TRPM8: variants seen among roughly 807,000 people sequenced by gnomAD.
TRPM8 encodes the protein TRPM8 cationic channel.
A neutral mutation model predicts 133.7 loss-of-function variants in TRPM8; 110 were observed. The observed-to-expected ratio is 0.82, with a 90% confidence interval of 0.70 to 0.96. TRPM8 has a LOEUF of 0.96. Among genes scored for constraint, TRPM8 ranks in the 40% least tolerant of loss-of-function variants. TRPM8 has a pLI of 0.00. For missense variants in TRPM8, 1,291 were observed against 1,379.5 expected, an observed-to-expected ratio of 0.94 and a Z score of 1.02; for synonymous variants, 535 against 532.3, an observed-to-expected ratio of 1.01 and a Z score of -0.07.
intron 6 of TRPM8, among the ~76,000 whole-genome samples, chr2:233,945,257 T>C (rs1691013274): frequency 6.6e-6 from 1 of 152,194 alleles, no homozygotes; most frequent in Admixed American, 6.5e-5. Flanking sequence ...AAGGATTCCT[T>C]TCTTTATGTT....
intron 24 of TRPM8, among the ~76,000 whole-genome samples, chr2:234,010,854 C>T (rs1292560456): frequency 6.6e-6 from 1 of 152,028 alleles, no homozygotes; most frequent in African/African-American, 2.4e-5. Context: ...GTATGAGTTC[C>T]CTATGTATTG....
At chr2:233,923,438 G>A (rs1467370251) in intron 1 of TRPM8, among the ~76,000 whole-genome samples, 1 of 152,200 alleles carries the variant, frequency 6.6e-6, no homozygotes, top group African/African-American at 2.4e-5. Flanking sequence ...TGGTGCAGCT[G>A]TACCAAGGTT....
chr2:233,982,602 T>TA (rs971032696), intron 19 of TRPM8, among the ~76,000 whole-genome samples: 6 of 151,590 alleles, frequency 4.0e-5, no homozygotes, highest in Admixed American at 6.6e-5. Context: ...TGCACAAAAT[T>TA]AAAAAAAAAT....
chr2:233,924,041 T>C (rs1363114345), intron 1 of TRPM8, among the ~76,000 whole-genome samples: 2 of 152,172 alleles, frequency 1.3e-5, no homozygotes, highest in Admixed American at 6.5e-5. Flanking sequence ...TTTACAGTGT[T>C]GGGGGGAAAG....
At chr2:233,946,158 A>G (rs1691039061) in intron 7 of TRPM8, 128 bp downstream of exon 7, 1 of 905,128 alleles carries the variant, frequency 1.1e-6, no homozygotes, top group South Asian at 1.8e-5. Flanking sequence ...TTTATTGCCA[A>G]AGAACTGTTA....
Position 233,926,634 on chromosome 2 carries a change from G to C in TRPM8, c.97G>C (p.Asp33His), listed in dbSNP as rs1415622721. 19 of 1,614,054 alleles carry C rather than the reference G, an allele frequency of 1.2e-5. No individual in the cohort carries two copies. Among genetic ancestry groups the C allele is most frequent in the Non-Finnish European group, 1.6e-5 (19 of 1,179,920 alleles). The stretch of plus-strand genomic sequence containing the variant: ...GTACTCCAGCGCGTCTCGGAGCACA[G>C]ACTTGTCTTACAGTGAAAGCGTAAG... The part of the protein sequence containing the change: ...TLYSSASRST[D>H]LSYSESDLVN... Residue 33 changes from aspartate to histidine, a missense_variant, in exon 2 of 26, where the codon GAC becomes CAC. Asp to His is a moderately conservative substitution (Grantham distance 81). This residue lies in a region of TRPM8 where 963 missense variants were observed against 968.9 expected (regional missense o/e 0.99). Transcript: ENST00000324695.
chr2:233,921,468 C>A (rs1574682834), intron 1 of TRPM8, among the ~76,000 whole-genome samples: 1 of 151,950 alleles, frequency 6.6e-6, no homozygotes, highest in East Asian at 1.9e-4. Context: ...TCAAAAGGCT[C>A]AGGATCCAAT....
chr2:233,934,593 C>T (rs927004414), intron 3 of TRPM8, among the ~76,000 whole-genome samples: 1 of 152,232 alleles, frequency 6.6e-6, no homozygotes, highest in Non-Finnish European at 1.5e-5. Flanking sequence ...GCAGCATCCC[C>T]AACCCCCAGG....
In TRPM8 at chr2:234,017,707, T is replaced by C. The variant is rs920582350; in HGVS notation, c.*451T>C. 5 of 163,282 alleles carry C rather than the reference T, an allele frequency of 3.1e-5. No homozygotes were observed. The highest frequency in any genetic ancestry group is 1.2e-4 in the African/African-American group (5 of 41,562). The allele number at this position is 163,282 out of a possible 1,614,324, so 10.1% of individuals were successfully genotyped here. On this transcript the variant is annotated 3_prime_UTR_variant, in exon 26 of 26. Coordinates refer to ENST00000324695, the MANE Select transcript of TRPM8 (RefSeq NM_024080.5). ...CTCTACTTTTCCCTTTTTTGTATTATGTGACTAATTAGTTGGCATATTGTT... is the reference window on the plus strand; with the variant it reads ...CTCTACTTTTCCCTTTTTTGTATTACGTGACTAATTAGTTGGCATATTGTT...
intron 9 of TRPM8, among the ~76,000 whole-genome samples, 154 bp downstream of exon 9, chr2:233,950,300 A>G (rs1330257664): frequency 6.6e-6 from 1 of 152,142 alleles, no homozygotes; most frequent in Non-Finnish European, 1.5e-5. Context: ...TGGAAACTGA[A>G]GTTCAGTAAG....
chr2:233,940,048 G>GTTT (rs34052230), intron 5 of TRPM8, among the ~76,000 whole-genome samples: 5,988 of 137,996 alleles, frequency 0.043, 155 homozygotes, highest in Admixed American at 0.076. Flanking sequence ...ATTTAGCTTT[G>GTTT]TTTTTTTTTT....
intron 22 of TRPM8, among the ~76,000 whole-genome samples, chr2:234,005,112 G>C (rs1692660892): frequency 6.6e-6 from 1 of 152,118 alleles, no homozygotes; most frequent in South Asian, 2.1e-4. Flanking sequence ...TATTTCTAAA[G>C]AGAAATTTCT....
chr2:233,976,314 G>A (rs996483946), intron 17 of TRPM8, among the ~76,000 whole-genome samples: 6 of 152,186 alleles, frequency 3.9e-5, no homozygotes, highest in Non-Finnish European at 8.8e-5. Context: ...ACAACTCTGT[G>A]CCAATTTCCT....
chr2:233,984,030 C>T (rs1692079459), intron 20 of TRPM8, among the ~76,000 whole-genome samples: 1 of 152,208 alleles, frequency 6.6e-6, no homozygotes, highest in Non-Finnish European at 1.5e-5. Context: ...AGTCTGCACA[C>T]TGTGCCTGCC....
In TRPM8 at chr2:234,017,362, C is replaced by T. The variant is rs1692981720; in HGVS notation, c.*106C>T. 2.1e-6 allele frequency: 1 copy of T among 471,042 alleles called. No individual in the cohort carries two copies. The highest frequency in any genetic ancestry group is 1.6e-5 in the South Asian group (1 of 64,504). 29.2% of individuals were successfully genotyped at this position (471,042 alleles called of 1,614,324 possible). A position where few individuals can be genotyped will look rare whatever the true frequency, so the allele number is the denominator to read the frequency against. ...ACTACTAAATGAGAGATTTTCAGACCCCTGGGTACATGGTGGATGATTTTA... is the reference window on the plus strand; with the variant it reads ...ACTACTAAATGAGAGATTTTCAGACTCCTGGGTACATGGTGGATGATTTTA... On this transcript the variant is annotated 3_prime_UTR_variant, in exon 26 of 26. Coordinates refer to ENST00000324695, the MANE Select transcript of TRPM8 (RefSeq NM_024080.5).
At chr2:233,956,736 T>C (rs1270656201) in intron 11 of TRPM8, among the ~76,000 whole-genome samples, 1 of 152,244 alleles carries the variant, frequency 6.6e-6, no homozygotes, top group African/African-American at 2.4e-5. Context: ...TAATGGCTTA[T>C]GAATTTTTAA....
rs1692016448 is a variant in TRPM8, at chr2:233,981,814, G to A, written c.2488G>A (p.Val830Ile). Residue 830 changes from valine to isoleucine, a missense_variant, in exon 19 of 26, where the codon GTC becomes ATC. Val to Ile is a conservative substitution (Grantham distance 29). This residue lies in a region of TRPM8 where 328 missense variants were observed against 410.6 expected (regional missense o/e 0.80). Coordinates refer to ENST00000324695, the MANE Select transcript of TRPM8 (RefSeq NM_024080.5). ...SNKSSLYSGRVIFCLDYIIFT... is the reference protein window; with the variant it reads ...SNKSSLYSGRIIFCLDYIIFT... ...TAAAAGCTCTTTGTATTCTGGACGAGTCATTTTCTGTCTGGACTACATTAT... is the reference window on the plus strand; with the variant it reads ...TAAAAGCTCTTTGTATTCTGGACGAATCATTTTCTGTCTGGACTACATTAT... 2 of 1,613,506 alleles carry A rather than the reference G, an allele frequency of 1.2e-6. No individual in the cohort carries two copies. Among genetic ancestry groups the A allele is most frequent in the Non-Finnish European group, 1.7e-6 (2 of 1,179,770 alleles).
intron 17 of TRPM8, among the ~76,000 whole-genome samples, chr2:233,977,439 G>A (rs764243357): frequency 9.9e-5 from 15 of 152,192 alleles, no homozygotes; most frequent in Non-Finnish European, 1.8e-4. Flanking sequence ...TATTTCCGAC[G>A]TCGCTCTTCA....
intron 17 of TRPM8, among the ~76,000 whole-genome samples, chr2:233,972,919 G>A (rs565454053): frequency 6.6e-6 from 1 of 152,354 alleles, no homozygotes; most frequent in South Asian, 2.1e-4. Context: ...GGCTCCCACA[G>A]TGCAGCGGTG....
Sources: gnomAD v4.1 joint callset for allele counts (sites outside exome capture counted in the v4.1 genomes callset) on GRCh38, gnomAD v4.1.1 for gene constraint, gnomAD v4.1.1 regional missense constraint, MANE v1.5 for transcripts, NCBI Gene and HGNC (gene_info 2026-07-23, HGNC 2026-07-21) for gene names.